PRRG1: variants seen among roughly 807,000 people sequenced by gnomAD.
PRRG1 encodes the protein transmembrane gamma-carboxyglutamic acid protein 1.
A neutral mutation model predicts 11.8 loss-of-function variants in PRRG1; 5 were observed. The observed-to-expected ratio is 0.42, with a 90% CI of 0.22 to 0.89. The LOEUF (loss-of-function observed/expected upper bound fraction) is 0.89. PRRG1 is among the 40% of genes least tolerant of loss of function. The pLI is 0.28. For missense variants in PRRG1, 155 were observed against 166.1 expected (o/e 0.93, Z 0.37); for synonymous variants, 66 against 60.4 (o/e 1.09, Z -0.43).
chrX:37,435,506 G>A (rs782277004), intron 3 of PRRG1, among the ~76,000 whole-genome samples: 6 of 110,263 alleles, frequency 5.4e-5, no homozygotes, highest in Non-Finnish European at 9.5e-5. Flanking sequence ...GCGGGTGGGG[G>A]GAGGTGGGGT....
chrX:37,430,191 G>A (rs782336882), intron 3 of PRRG1, among the ~76,000 whole-genome samples: 4 of 111,526 alleles, frequency 3.6e-5, no homozygotes, highest in Non-Finnish European at 5.6e-5. Flanking sequence ...CTGAGATCTG[G>A]GAACTAGAAT....
chrX:37,361,450 G>A (rs1569434669), intron 1 of PRRG1, among the ~76,000 whole-genome samples: 1 of 112,059 alleles, frequency 8.9e-6, no homozygotes, highest in Non-Finnish European at 1.9e-5. Context: ...GTTTTTGATA[G>A]CACTTGTTAT....
At chrX:37,381,867 T>C (rs1931164289) in intron 1 of PRRG1, among the ~76,000 whole-genome samples, 1 of 111,606 alleles carries the variant, frequency 9.0e-6, no homozygotes, top group Non-Finnish European at 1.9e-5. Flanking sequence ...TCCAGAAATA[T>C]ATAACAACTG....
chrX:37,365,006 C>T (rs1232052646), intron 1 of PRRG1, among the ~76,000 whole-genome samples: 1 of 111,753 alleles, frequency 8.9e-6, no homozygotes, highest in African/African-American at 3.3e-5. Context: ...TCTTTTTATT[C>T]CAAAAATGTT....
At chrX:37,399,181 A>G (rs1167470628) in intron 1 of PRRG1, among the ~76,000 whole-genome samples, 3 of 111,279 alleles carry the variant, frequency 2.7e-5, no homozygotes, top group Non-Finnish European at 5.7e-5. Context: ...CATAATTGTC[A>G]GATTCATCAA....
intron 3 of PRRG1, chrX:37,440,929 T>C (rs1419896670): frequency 5.5e-5 from 29 of 529,744 alleles, no homozygotes; most frequent in Non-Finnish European, 8.0e-5. Flanking sequence ...CATGCCTGGC[T>C]AATTTAAAAA....
At chrX:37,417,797 AC>A (rs782175158) in intron 2 of PRRG1, among the ~76,000 whole-genome samples, 36 of 112,106 alleles carry the variant, frequency 3.2e-4, no homozygotes, top group Non-Finnish European at 5.8e-4. Context: ...AAGCGAGAAA[AC>A]AAAGAATTAT....
In PRRG1 at chrX:37,376,551, G is replaced by GTATA. The variant is rs542194109; in HGVS notation, c.-42+27174_-42+27177dup. Among the ~76,000 whole-genome samples, 110 of 26,889 alleles carry GTATA rather than the reference G, an allele frequency of 4.1e-3. 22 individuals are homozygous for GTATA. The South Asian group carries it at 0.05, about 12-fold the overall frequency. 23.3% of individuals were successfully genotyped at this position (26,889 alleles called of 115,157 possible). ...TCAGTGTTTAGTCAGAAATGTGAGT[G>GTATA]TATATATATATATATATATATGTGC... On this transcript the variant is annotated intron_variant, in intron 1 of 3. Coordinates refer to ENST00000378628, the MANE Select transcript of PRRG1 (RefSeq NM_001142395.2).
At chrX:37,356,901 G>A (rs910576985) in intron 1 of PRRG1, among the ~76,000 whole-genome samples, 16 of 110,804 alleles carry the variant, frequency 1.4e-4, no homozygotes, top group Non-Finnish European at 2.8e-4. Context: ...AACCTCCATT[G>A]ACATATCATT....
At chrX:37,409,223 A>G (rs1370208535) in intron 2 of PRRG1, among the ~76,000 whole-genome samples, 1 of 112,323 alleles carries the variant, frequency 8.9e-6, no homozygotes, top group African/African-American at 3.2e-5. Flanking sequence ...GAAAATCATA[A>G]GAAAAAGAAA....
chrX:37,357,904 G>GCCAA (rs1930291255), intron 1 of PRRG1, among the ~76,000 whole-genome samples: 1 of 112,318 alleles, frequency 8.9e-6, no homozygotes, highest in Non-Finnish European at 1.9e-5. Context: ...ATCCTTGCCA[G>GCCAA]CATTTGGTGT....
At chrX:37,447,013 G>A (rs1933089707) in intron 3 of PRRG1, among the ~76,000 whole-genome samples, 1 of 110,850 alleles carries the variant, frequency 9.0e-6, no homozygotes, top group Admixed American at 9.6e-5. Context: ...TGCCACGCTG[G>A]TAATTTAACT....
At chrX:37,407,750 T>C (rs1389015995) in intron 2 of PRRG1, among the ~76,000 whole-genome samples, 2 of 112,090 alleles carry the variant, frequency 1.8e-5, no homozygotes, top group African/African-American at 6.5e-5. Context: ...GTTTTTTTAA[T>C]GGATAAAAAT....
chrX:37,453,317 G>T lies in PRRG1; in HGVS notation c.353G>T (p.Gly118Val). 8.3e-7 allele frequency: 1 copy of T among 1,208,499 alleles called. No individual in the cohort carries two copies. The highest frequency in any genetic ancestry group is 1.1e-6 in the Non-Finnish European group (1 of 892,944). Residue 118 changes from glycine (G) to valine (V), a missense_variant, in exon 4 of 4, where the codon GGC (glycine) becomes GTC (valine). Physicochemically the swap from Gly to Val is moderately radical, Grantham distance 109 (BLOSUM62 -3). Coordinates refer to ENST00000378628, the MANE Select transcript of PRRG1 (RefSeq NM_001142395.2). ...NKTRRQTVTE[G>V]HIPFPQHLNI... The stretch of plus-strand genomic sequence containing the variant: ...ACTCGTAGACAGACAGTGACTGAAG[G>T]CCACATTCCTTTCCCTCAGCACCTT...
chrX:37,412,608 T>A (rs782703806), intron 2 of PRRG1, among the ~76,000 whole-genome samples: 28 of 111,170 alleles, frequency 2.5e-4, no homozygotes, highest in African/African-American at 8.8e-4. Flanking sequence ...TATTATAAAT[T>A]CTTATCTTCA....
chrX:37,448,158 G>A (rs1022612680), intron 3 of PRRG1, among the ~76,000 whole-genome samples: 2 of 112,115 alleles, frequency 1.8e-5, no homozygotes, highest in Non-Finnish European at 3.8e-5. Flanking sequence ...ACAAAAGAAC[G>A]AAGCAACGAA....
intron 2 of PRRG1, among the ~76,000 whole-genome samples, chrX:37,420,326 T>A (rs932195802): frequency 4.5e-5 from 5 of 111,457 alleles, no homozygotes; most frequent in African/African-American, 1.6e-4. Context: ...ATCAATGCCA[T>A]AATGTCTTTA....
chrX:37,400,952 A>T (rs1386410647), intron 1 of PRRG1, among the ~76,000 whole-genome samples: 4 of 111,190 alleles, frequency 3.6e-5, no homozygotes, highest in African/African-American at 1.3e-4. Context: ...TGAATCTCTG[A>T]ATAGACCAAT....
intron 3 of PRRG1, among the ~76,000 whole-genome samples, chrX:37,437,263 C>T (rs1211773402): frequency 1.8e-5 from 2 of 110,984 alleles, no homozygotes; most frequent in Admixed American, 1.9e-4. Flanking sequence ...AGAGTTTCAG[C>T]CTGTATGATA....
Sources: allele counts gnomAD v4.1 joint callset (sites outside exome capture counted in the v4.1 genomes callset), GRCh38; gene constraint gnomAD v4.1.1; transcripts MANE v1.5; gene names NCBI Gene and HGNC (gene_info 2026-07-23, HGNC 2026-07-21).